The following BICC1 variants were observed in gnomAD, a reference collection of about 807,000 sequenced individuals.
BICC1 encodes the protein BicC family RNA binding protein 1, also known as protein bicaudal C homolog 1.
In BICC1, 43 loss-of-function variants were observed where a neutral mutation model predicts 111.0. The observed-to-expected ratio is 0.39, with a 90% CI of 0.30 to 0.50. The LOEUF (loss-of-function observed/expected upper bound fraction) is 0.50. Among genes scored for constraint, BICC1 ranks in the 20% least tolerant of loss-of-function variants. BICC1 has a pLI of 0.88. For missense variants in BICC1, 1,091 were observed against 1,203.2 expected, an observed-to-expected ratio of 0.91 and a Z score of 1.38; for synonymous variants, 467 against 434.4, an observed-to-expected ratio of 1.07 and a Z score of -0.93.
chr10:58,588,701 G>C (rs1239110816), intron 1 of BICC1, among the ~76,000 whole-genome samples: 2 of 152,206 alleles, frequency 1.3e-5, no homozygotes. Context: ...CAGGTACCAT[G>C]TGGCTTTAAG....
chr10:58,579,438 C>T (rs956706240), intron 1 of BICC1, among the ~76,000 whole-genome samples: 4 of 152,190 alleles, frequency 2.6e-5, no homozygotes, highest in African/African-American at 9.7e-5. Flanking sequence ...TGTGTGCGTG[C>T]AGGCATTATT....
chr10:58,538,717 C>A (rs1303970), intron 1 of BICC1, among the ~76,000 whole-genome samples: 69,790 of 151,444 alleles, frequency 0.46, 17,105 homozygotes, highest in Admixed American at 0.62. Flanking sequence ...ACAACATACA[C>A]GGAACTCAAA....
At chr10:58,634,983 A>G (rs1423756184) in intron 2 of BICC1, among the ~76,000 whole-genome samples, 1 of 152,136 alleles carries the variant, frequency 6.6e-6, no homozygotes, top group Admixed American at 6.5e-5. Context: ...GTGGAAAAAG[A>G]GGAGAGGTTG....
intron 1 of BICC1, among the ~76,000 whole-genome samples, chr10:58,618,700 G>A (rs568789860): frequency 1.3e-5 from 2 of 152,166 alleles, no homozygotes; most frequent in African/African-American, 4.8e-5. Flanking sequence ...TGTGGAATTT[G>A]TGCAAAAATA....
intron 3 of BICC1, among the ~76,000 whole-genome samples, chr10:58,766,300 G>A (rs1343857639): frequency 1.3e-5 from 2 of 152,134 alleles, no homozygotes; most frequent in African/African-American, 4.8e-5. Context: ...GGATGGCAGG[G>A]ATACTGACTG....
chr10:58,671,082 C>G (rs939366345), intron 2 of BICC1, among the ~76,000 whole-genome samples: 4 of 152,130 alleles, frequency 2.6e-5, no homozygotes, highest in African/African-American at 7.2e-5. Flanking sequence ...TCGTCCTTCC[C>G]ATGTAAGGCG....
chr10:58,622,848 T>C (rs1306732558), intron 2 of BICC1, among the ~76,000 whole-genome samples: 9 of 152,224 alleles, frequency 5.9e-5, no homozygotes, highest in Non-Finnish European at 1.2e-4. Flanking sequence ...ACATGACATT[T>C]TGGGAAGCAT....
At chr10:58,698,613 T>G (rs1840136037) in intron 2 of BICC1, among the ~76,000 whole-genome samples, 1 of 152,152 alleles carries the variant, frequency 6.6e-6, no homozygotes, top group Non-Finnish European at 1.5e-5. Context: ...CTTGTTAGAT[T>G]CTGAGCTCCT....
At chr10:58,619,375 G>A (rs1417399931) in intron 1 of BICC1, among the ~76,000 whole-genome samples, 1 of 151,966 alleles carries the variant, frequency 6.6e-6, no homozygotes, top group Non-Finnish European at 1.5e-5. Context: ...TATAAAAATA[G>A]AGAAGATGTC....
intron 2 of BICC1, among the ~76,000 whole-genome samples, chr10:58,700,288 G>T (rs1840192059): frequency 6.6e-6 from 1 of 152,154 alleles, no homozygotes; most frequent in African/African-American, 2.4e-5. Flanking sequence ...AAGGGGCTGG[G>T]ACAGGAAATT....
intron 3 of BICC1, among the ~76,000 whole-genome samples, chr10:58,723,685 A>G (rs1257879899): frequency 6.6e-6 from 1 of 152,186 alleles, no homozygotes; most frequent in Non-Finnish European, 1.5e-5. Context: ...AGTCATAATA[A>G]GCTAGAAAAC....
intron 3 of BICC1, among the ~76,000 whole-genome samples, chr10:58,738,848 C>T (rs1316795552): frequency 1.3e-5 from 2 of 151,924 alleles, no homozygotes; most frequent in African/African-American, 2.4e-5. Context: ...CTCTTTGAAG[C>T]AATTGTGAAT....
chr10:58,637,198 C>T (rs530710768), intron 2 of BICC1, among the ~76,000 whole-genome samples: 1 of 152,226 alleles, frequency 6.6e-6, no homozygotes, highest in South Asian at 2.1e-4. Flanking sequence ...ATTTCCTTCT[C>T]GAGTGAAGAT....
rs752106223 is a variant in BICC1 at position 58,800,212 on chromosome 10, G to T, written c.1744G>T (p.Gly582Cys). 6.2e-7 allele frequency: 1 copy of T among 1,601,892 alleles called. No individual in the cohort carries two copies. The highest frequency in any genetic ancestry group is 8.5e-7 in the Non-Finnish European group (1 of 1,170,172). The change falls in exon 13 of 21, where the codon GGT becomes TGT. Residue 582 changes from glycine (G) to cysteine (C), a missense_variant. By Grantham distance (159) the Gly-to-Cys change is radical (BLOSUM62 -3). Transcript: ENST00000373886. ...ATTTTAGTCTCCAGATATAAAATAT[G>T]GTGCAATATCCACTTCATCACTTGG... ...GHAQSPDIKY[G>C]AISTSSLGEK...
chr10:58,618,671 C>T (rs1046589581), intron 1 of BICC1, among the ~76,000 whole-genome samples: 2 of 152,192 alleles, frequency 1.3e-5, no homozygotes, highest in African/African-American at 4.8e-5. Context: ...TGTCTGGGTG[C>T]AGTTCATCCT....
rs1045418973 is a variant in BICC1 at position 58,728,598 on chromosome 10, A to G, written c.307+26455A>G. Reference sequence around the variant, plus strand: ...TTTGACCTCCTCCTATGAATCATGAATGATACATAGAATAATACATCCTTT... The same window carrying G: ...TTTGACCTCCTCCTATGAATCATGAGTGATACATAGAATAATACATCCTTT... On this transcript the variant is annotated intron_variant, in intron 3 of 20. Transcript: ENST00000373886. Among the ~76,000 whole-genome samples, 5 of 152,156 alleles carry G rather than the reference A, an allele frequency of 3.3e-5. 1 individual carries two copies. The highest frequency in any genetic ancestry group is 1.2e-4 in the African/African-American group (5 of 41,448).
chr10:58,601,173 T>TATAA (rs752405472), intron 1 of BICC1, among the ~76,000 whole-genome samples: 4,219 of 131,002 alleles, frequency 0.032, 132 homozygotes, highest in Non-Finnish European at 0.034. Context: ...TATATATATC[T>TATAA]CCCAATAAAA....
In BICC1 at chr10:58,800,337, G is replaced by C. The variant is rs1412170501; in HGVS notation, c.1858+11G>C. 1.2e-6 allele frequency: 2 copies of C among 1,610,390 alleles called. No individual in the cohort carries two copies. Among genetic ancestry groups the C allele is most frequent in the East Asian group, 2.2e-5 (1 of 44,736 alleles). On this transcript the variant is annotated intron_variant, in intron 13 of 20. Coordinates refer to ENST00000373886, the MANE Select transcript of BICC1 (RefSeq NM_001080512.3). ...CAAGCCCCACTGAAGGTCGGGAACT[G>C]TACCCTTCTGAAATTCATTTTGGTT... is the stretch of plus-strand genomic sequence containing the variant.
At chr10:58,725,354 C>T (rs370474939) in intron 3 of BICC1, among the ~76,000 whole-genome samples, 92 of 152,158 alleles carry the variant, frequency 6.0e-4, no homozygotes, top group African/African-American at 2.1e-3. Context: ...CAACTGCAGA[C>T]TCTGCCCAGA....
Sources: allele counts gnomAD v4.1 joint callset (sites outside exome capture counted in the v4.1 genomes callset), GRCh38; gene constraint gnomAD v4.1.1; transcripts MANE v1.5; gene names NCBI Gene and HGNC (gene_info 2026-07-23, HGNC 2026-07-21).